FCHSD2: variants seen among roughly 807,000 people sequenced by gnomAD.
The protein encoded by FCHSD2 is F-BAR and double SH3 domains protein 2.
FCHSD2 carries 38 observed loss-of-function variants against 108.1 expected under a neutral mutation model. The ratio of observed to expected loss-of-function variants is 0.35; its 90% CI spans 0.27 to 0.46. The LOEUF (loss-of-function observed/expected upper bound fraction) is 0.46. Ranked by LOEUF, FCHSD2 falls within the 20% of genes least tolerant of loss-of-function variation. The pLI is 1.00. For missense variants in FCHSD2, 751 were observed against 897.8 expected, an observed-to-expected ratio of 0.84 and a Z score of 2.09; for synonymous variants, 279 against 314.7, an observed-to-expected ratio of 0.89 and a Z score of 1.20.
intron 3 of FCHSD2, among the ~76,000 whole-genome samples, chr11:73,069,310 C>CAAAA (rs369961395): frequency 1.1e-4 from 5 of 45,958 alleles, no homozygotes; most frequent in African/African-American, 3.4e-4. Flanking sequence ...AACTCTGTCT[C>CAAAA]AAAAAAAAAA....
chr11:72,956,088 G>A (rs1856705499), intron 8 of FCHSD2, among the ~76,000 whole-genome samples: 2 of 152,158 alleles, frequency 1.3e-5, no homozygotes, highest in Non-Finnish European at 2.9e-5. Flanking sequence ...AGTGCTCAGA[G>A]AACAATGGGG....
chr11:72,989,323 T>C (rs746368005), intron 5 of FCHSD2, among the ~76,000 whole-genome samples: 11 of 152,118 alleles, frequency 7.2e-5, no homozygotes, highest in Non-Finnish European at 1.2e-4. Context: ...CTAACAACCA[T>C]ACATTGAGAA....
chr11:73,120,031 G>GA (rs145788634), intron 2 of FCHSD2, among the ~76,000 whole-genome samples: 3,391 of 152,254 alleles, frequency 0.022, 121 homozygotes, highest in African/African-American at 0.077. Context: ...GGCAAAGAGG[G>GA]AATGAGGAAG....
intron 10 of FCHSD2, 129 bp from the exon 11 acceptor site, chr11:72,890,074 G>A: frequency 1.6e-6 from 1 of 606,416 alleles, no homozygotes; most frequent in Non-Finnish European, 2.9e-6. Flanking sequence ...CACTACTGCT[G>A]GAAGCAATGT....
At chr11:72,928,024 C>T (rs1856111630) in intron 8 of FCHSD2, among the ~76,000 whole-genome samples, 1 of 152,118 alleles carries the variant, frequency 6.6e-6, no homozygotes, top group South Asian at 2.1e-4. Context: ...CTCCACAGGA[C>T]ATAGTGAAGA....
intron 8 of FCHSD2, among the ~76,000 whole-genome samples, chr11:72,977,960 A>G (rs1348224261): frequency 6.6e-6 from 1 of 152,204 alleles, no homozygotes; most frequent in Non-Finnish European, 1.5e-5. Context: ...TGGCATATAC[A>G]CCATGGAATA....
At chr11:72,934,048 G>C (rs571650252) in intron 8 of FCHSD2, among the ~76,000 whole-genome samples, 8 of 137,478 alleles carry the variant, frequency 5.8e-5, no homozygotes, top group Non-Finnish European at 1.2e-4. Flanking sequence ...GGTTGAGGCT[G>C]CAGTGAGCCA....
intron 3 of FCHSD2, among the ~76,000 whole-genome samples, chr11:73,020,206 CA>C (rs2135438312): frequency 6.6e-6 from 1 of 152,278 alleles, no homozygotes; most frequent in South Asian, 2.1e-4. Flanking sequence ...ATTGCTTTAA[CA>C]AGTGAAGAAA....
intron 5 of FCHSD2, among the ~76,000 whole-genome samples, chr11:72,993,395 C>G (rs1857456968): frequency 6.6e-6 from 1 of 152,112 alleles, no homozygotes; most frequent in South Asian, 2.1e-4. Context: ...TTGACCCAGC[C>G]ATCCCATTAC....
intron 3 of FCHSD2, among the ~76,000 whole-genome samples, chr11:73,039,079 A>G (rs1858567689): frequency 6.6e-6 from 1 of 152,156 alleles, no homozygotes; most frequent in African/African-American, 2.4e-5. Context: ...TTGCAGAATC[A>G]CTGTTTATTT....
At chr11:72,932,456 G>C (rs1454174988) in intron 8 of FCHSD2, among the ~76,000 whole-genome samples, 1 of 152,098 alleles carries the variant, frequency 6.6e-6, no homozygotes, top group Non-Finnish European at 1.5e-5. Context: ...TACCTCTTCA[G>C]CTTCTTCACT....
chr11:73,093,210 G>A (rs1425060853), intron 2 of FCHSD2, among the ~76,000 whole-genome samples: 1 of 152,236 alleles, frequency 6.6e-6, no homozygotes, highest in Non-Finnish European at 1.5e-5. Context: ...ACAATGGGAA[G>A]CTCTGACTGG....
At chr11:73,007,475 T>C (rs1250163502) in intron 4 of FCHSD2, among the ~76,000 whole-genome samples, 1 of 151,924 alleles carries the variant, frequency 6.6e-6, no homozygotes, top group East Asian at 1.9e-4. Flanking sequence ...ATTTTAAAAT[T>C]AGCCAAGCAT....
chr11:73,034,618 T>C (rs932104569), intron 3 of FCHSD2, among the ~76,000 whole-genome samples: 6 of 152,176 alleles, frequency 3.9e-5, no homozygotes, highest in Non-Finnish European at 7.3e-5. Context: ...ATACTCATAG[T>C]AAAGAAAAAG....
At chr11:72,899,111 T>A (rs965018773) in intron 10 of FCHSD2, among the ~76,000 whole-genome samples, 39 of 152,170 alleles carry the variant, frequency 2.6e-4, no homozygotes, top group Non-Finnish European at 8.8e-5. Context: ...CAATATAGGG[T>A]TGTTGTGAAG....
intron 2 of FCHSD2, 137 bp downstream of exon 2, chr11:73,139,894 A>G: frequency 1.9e-6 from 1 of 523,684 alleles, no homozygotes; most frequent in Non-Finnish European, 3.4e-6. Flanking sequence ...TCTAATTTCC[A>G]GCTGAGTCAA....
At chr11:72,853,705 C>T (rs1419959000) in intron 13 of FCHSD2, among the ~76,000 whole-genome samples, 1 of 150,802 alleles carries the variant, frequency 6.6e-6, no homozygotes, top group Admixed American at 6.6e-5. Flanking sequence ...GCATAGGCAA[C>T]AAAAGAAAAA....
intron 8 of FCHSD2, among the ~76,000 whole-genome samples, chr11:72,941,913 A>T (rs1382029037): frequency 6.6e-6 from 1 of 152,236 alleles, no homozygotes; most frequent in African/African-American, 2.4e-5. Flanking sequence ...AAAAAGCATT[A>T]AAAAAGTTTA....
chr11:73,085,528 C>G (rs1450680730), intron 2 of FCHSD2, among the ~76,000 whole-genome samples: 1 of 151,992 alleles, frequency 6.6e-6, no homozygotes, highest in Non-Finnish European at 1.5e-5. Flanking sequence ...CTCTTTTTCC[C>G]CTTTTGAGAG....
Sources: gnomAD v4.1 joint callset for allele counts (sites outside exome capture counted in the v4.1 genomes callset) on GRCh38, gnomAD v4.1.1 for gene constraint, MANE v1.5 for transcripts, NCBI Gene and HGNC (gene_info 2026-07-23, HGNC 2026-07-21) for gene names.